Variants in SFI1 observed in about 807,000 individuals in gnomAD.
SFI1 encodes SFI1 centrin binding protein.
SFI1 carries 195 observed loss-of-function variants against 207.5 expected under a neutral mutation model. The observed-to-expected ratio is 0.94, with a 90% confidence interval of 0.84 to 1.06. SFI1 has a LOEUF of 1.06. Among genes scored for constraint, SFI1 ranks in the 50% least tolerant of loss-of-function variants. SFI1 has a pLI of 0.00. For missense variants in SFI1, 1,634 were observed against 1,588.0 expected (o/e 1.03, Z -0.49); for synonymous variants, 630 against 598.9 (o/e 1.05, Z -0.76).
At chr22:31,513,807 C>T (rs1197914547) in intron 2 of SFI1, among the ~76,000 whole-genome samples, 1 of 151,488 alleles carries the variant, frequency 6.6e-6, no homozygotes, top group Non-Finnish European at 1.5e-5. Flanking sequence ...TCTCAAACTC[C>T]TGACCTCGTG....
At chr22:31,546,721 C>T (rs1569272483) in intron 4 of SFI1, 140 bp from the exon 5 acceptor site, 3 of 376,102 alleles carry the variant, frequency 8.0e-6, no homozygotes, top group Non-Finnish European at 1.4e-5. Flanking sequence ...CCCGCCTCAG[C>T]CTCCCAAAGT....
chr22:31,530,578 A>G (rs1390820763), intron 3 of SFI1: 3 of 470,170 alleles, frequency 6.4e-6, no homozygotes, highest in African/African-American at 2.0e-5. Flanking sequence ...TAAAGCACCA[A>G]TTTCTGCTTT....
chr22:31,581,509 C>T (rs117006621), intron 12 of SFI1, among the ~76,000 whole-genome samples: 3,298 of 152,070 alleles, frequency 0.022, 41 homozygotes, highest in Non-Finnish European at 0.033. Context: ...TTGGGCTGGT[C>T]GCAAACTCCT....
Position 31,546,844 on chromosome 22 carries a change from T to G in SFI1, c.339-17T>G. On this transcript the variant is annotated splice_polypyrimidine_tract_variant and intron_variant, in intron 4 of 32. Transcript: ENST00000400288. ...CCAACATCATCATATATATATATGATTTTTTTTTTGCCGTAGATTTTACTA... is the reference window on the plus strand; with the variant it reads ...CCAACATCATCATATATATATATGAGTTTTTTTTTGCCGTAGATTTTACTA... 2.0e-6 allele frequency: 2 copies of G among 1,001,978 alleles called. No individual in the cohort carries two copies. Among genetic ancestry groups the G allele is most frequent in the South Asian group, 3.5e-5 (2 of 57,332 alleles). 62.1% of individuals were successfully genotyped at this position (1,001,978 alleles called of 1,614,324 possible).
chr22:31,572,855 T>C (rs1163851703), intron 8 of SFI1: 3 of 444,172 alleles, frequency 6.8e-6, no homozygotes, highest in Non-Finnish European at 1.2e-5. Context: ...CAGGAAAAAA[T>C]TACTTTTGAA....
Position 31,615,283 on chromosome 22 carries a change from C to T in SFI1, c.3300+4C>T, listed in dbSNP as rs371389934. 4.0e-5 allele frequency: 59 copies of T among 1,482,494 alleles called. No homozygotes were observed. The highest frequency in any genetic ancestry group is 3.2e-4 in the African/African-American group (23 of 71,284). The allele number at this position is 1,482,494 out of a possible 1,614,324, so 91.8% of individuals were successfully genotyped here. On this transcript the variant is annotated splice_donor_region_variant and intron_variant, in intron 29 of 32. Coordinates refer to ENST00000400288, the MANE Select transcript of SFI1 (RefSeq NM_001007467.3). ...CGGGGCGGCTGCACCAGCCAGGGTA[C>T]GTCCTCCACCACCAGGCCTGGGCAC...
At chr22:31,586,946 G>A (rs2065099478) in intron 14 of SFI1, among the ~76,000 whole-genome samples, 1 of 152,168 alleles carries the variant, frequency 6.6e-6, no homozygotes, top group Non-Finnish European at 1.5e-5. Context: ...TCACCTCTTG[G>A]TATAGGTATC....
chr22:31,518,706 C>T (rs2056842406), intron 2 of SFI1, among the ~76,000 whole-genome samples: 1 of 152,140 alleles, frequency 6.6e-6, no homozygotes, highest in Non-Finnish European at 1.5e-5. Context: ...GGGTTCCCAC[C>T]ATTCCCTAAC....
At chr22:31,532,527 C>G (rs977228195) in intron 4 of SFI1, among the ~76,000 whole-genome samples, 10 of 152,116 alleles carry the variant, frequency 6.6e-5, no homozygotes, top group African/African-American at 2.4e-4. Context: ...CCCTCCTGCT[C>G]CCCTCTTCCC....
chr22:31,601,786 T>C (rs1317739849), intron 15 of SFI1, among the ~76,000 whole-genome samples: 1 of 152,032 alleles, frequency 6.6e-6, no homozygotes, highest in Non-Finnish European at 1.5e-5. Flanking sequence ...TCATCTAAGC[T>C]TATTCACCTC....
intron 2 of SFI1, among the ~76,000 whole-genome samples, chr22:31,527,478 T>TA (rs2058042808): frequency 6.6e-6 from 1 of 152,226 alleles, no homozygotes; most frequent in African/African-American, 2.4e-5. Context: ...CTCACACCTG[T>TA]AATGCCAGCA....
At chr22:31,575,062 GAAA>G (rs367718706) in intron 9 of SFI1, among the ~76,000 whole-genome samples, 166 bp from the exon 10 acceptor site, 1 of 110,210 alleles carries the variant, frequency 9.1e-6, no homozygotes, top group Non-Finnish European at 1.9e-5. Context: ...CCAACTCAAA[GAAA>G]AAAAAAAAAA....
intron 4 of SFI1, among the ~76,000 whole-genome samples, chr22:31,542,005 G>GA (rs1467892355): frequency 6.7e-6 from 1 of 150,268 alleles, no homozygotes; most frequent in African/African-American, 2.5e-5. Flanking sequence ...GGAGGCTGAG[G>GA]AAGGAGACTG....
At chr22:31,582,699 T>A (rs2064495702) in intron 12 of SFI1, among the ~76,000 whole-genome samples, 1 of 152,122 alleles carries the variant, frequency 6.6e-6, no homozygotes, top group Non-Finnish European at 1.5e-5. Flanking sequence ...CTTGCAAAAT[T>A]GAAACTCTGT....
rs191797222 is a variant in SFI1, at chr22:31,500,671, G to C, written c.-31+4034G>C. On this transcript the variant is annotated intron_variant, in intron 1 of 32. Transcript: ENST00000400288. ...AGGGTTTTGCCATGTTGGCCAGGCTGGTCTCAAATTCCTGATCTCAGGTGA... is the reference window on the plus strand; with the variant it reads ...AGGGTTTTGCCATGTTGGCCAGGCTCGTCTCAAATTCCTGATCTCAGGTGA... 5.3e-3 allele frequency among the ~76,000 whole-genome samples: 802 copies of C among 152,248 alleles called. 7 individuals carry two copies. Among genetic ancestry groups the C allele is most frequent in the African/African-American group, 0.019 (789 of 41,536 alleles).
At chr22:31,527,165 G>A (rs1423501999) in intron 2 of SFI1, among the ~76,000 whole-genome samples, 1 of 152,126 alleles carries the variant, frequency 6.6e-6, no homozygotes, top group Non-Finnish European at 1.5e-5. Context: ...TCAAAGTGCT[G>A]GGATTACAGG....
chr22:31,562,983 T>TTACATATATATATATATA (rs2061877081), intron 8 of SFI1, among the ~76,000 whole-genome samples: 1 of 142,304 alleles, frequency 7.0e-6, no homozygotes, highest in African/African-American at 2.6e-5. Context: ...TCATCATCTT[T>TTACATATATATATATATA]TATATATATA....
chr22:31,618,393 A>G lies in SFI1; in HGVS notation c.3704A>G (p.Gln1235Arg). The change falls in exon 33 of 33, where the codon CAG (glutamine) becomes CGG (arginine). Residue 1235 changes from glutamine to arginine, a missense_variant. Physicochemically the swap from Gln to Arg is conservative, Grantham distance 43 (BLOSUM62 1). Transcript: ENST00000400288. ...ATTGGCGCCTGCGTTGCCCGCATCC[A>G]GGCCCTGCGGCAGGCCCTGTGCTAG... ...QPIGACVARI[Q>R]ALRQALC 6.3e-7 allele frequency: 1 copy of G among 1,599,604 alleles called. No homozygotes were observed. Among genetic ancestry groups the G allele is most frequent in the Non-Finnish European group, 8.5e-7 (1 of 1,171,360 alleles).
intron 7 of SFI1, among the ~76,000 whole-genome samples, chr22:31,558,622 C>T (rs560484388): frequency 2.0e-5 from 3 of 151,784 alleles, no homozygotes; most frequent in African/African-American, 4.8e-5. Context: ...GGATTACAGG[C>T]GCCTGCCACC....
Sources: gnomAD v4.1 joint callset for allele counts (sites outside exome capture counted in the v4.1 genomes callset) on GRCh38, gnomAD v4.1.1 for gene constraint, MANE v1.5 for transcripts, NCBI Gene and HGNC (gene_info 2026-07-23, HGNC 2026-07-21) for gene names.